The following PARD3B variants were observed in gnomAD, a reference collection of about 807,000 sequenced individuals.
PARD3B encodes the protein par-3 family cell polarity regulator beta.
In PARD3B, 103 loss-of-function variants were observed where a neutral mutation model predicts 130.2. The ratio of observed to expected loss-of-function variants is 0.79; its 90% CI spans 0.67 to 0.93. The LOEUF is 0.93. Among genes scored for constraint, PARD3B ranks in the 40% least tolerant of loss-of-function variants. PARD3B has a pLI of 0.00. For missense variants in PARD3B, 1,609 were observed against 1,499.2 expected (o/e 1.07, Z -1.21); for synonymous variants, 583 against 553.2 (o/e 1.05, Z -0.76).
chr2:205,556,342 T>C (rs953412875), intron 22 of PARD3B, among the ~76,000 whole-genome samples: 9 of 152,142 alleles, frequency 5.9e-5, no homozygotes, highest in Admixed American at 5.2e-4. Context: ...CTATGCCAAA[T>C]TTGGAGCCAT....
rs181925624 is a variant in PARD3B at position 204,676,734 on chromosome 2, A to G, written c.121-9447A>G. On this transcript the variant is annotated intron_variant, in intron 1 of 22. Transcript: ENST00000406610. The stretch of plus-strand genomic sequence containing the variant: ...ACCCAGGCTGGAGTGCAGTGGTGCA[A>G]TCTCGGCTCACTGCAACCTCCACCT... 7.5e-3 allele frequency among the ~76,000 whole-genome samples: 1,096 copies of G among 146,036 alleles called. 12 individuals carry two copies. Among genetic ancestry groups the G allele is most frequent in the African/African-American group, 0.025 (974 of 39,284 alleles).
At chr2:205,502,880 G>T (rs766919766) in intron 21 of PARD3B, among the ~76,000 whole-genome samples, 1 of 151,890 alleles carries the variant, frequency 6.6e-6, no homozygotes, top group Non-Finnish European at 1.5e-5. Context: ...AGACCAACTT[G>T]TATGTAGTTC....
At chr2:204,772,541 TCAA>T (rs2041431918) in intron 2 of PARD3B, among the ~76,000 whole-genome samples, 1 of 152,096 alleles carries the variant, frequency 6.6e-6, no homozygotes, top group Non-Finnish European at 1.5e-5. Flanking sequence ...CAGCAACAAT[TCAA>T]GTTTAATGTA....
intron 2 of PARD3B, 44 bp from the exon 3 acceptor site, chr2:204,965,108 T>G (rs1691113222): frequency 6.3e-7 from 1 of 1,590,528 alleles, no homozygotes; most frequent in African/African-American, 1.3e-5. Flanking sequence ...CCGTGTGGTA[T>G]GCATGTCCTA....
chr2:204,742,158 T>C (rs1035614322), intron 2 of PARD3B, among the ~76,000 whole-genome samples: 1 of 152,222 alleles, frequency 6.6e-6, no homozygotes, highest in Non-Finnish European at 1.5e-5. Flanking sequence ...GCATTGTACC[T>C]TCTTATCCTT....
At chr2:205,162,463 T>C (rs1049974916) in intron 11 of PARD3B, among the ~76,000 whole-genome samples, 1 of 152,248 alleles carries the variant, frequency 6.6e-6, no homozygotes, top group African/African-American at 2.4e-5. Flanking sequence ...TTGATGCCAA[T>C]GTGCCTAAGC....
rs1472754715 is a variant in PARD3B at position 205,268,370 on chromosome 2, A to G, written c.2185+22548A>G. 6.6e-6 allele frequency among the ~76,000 whole-genome samples: 1 copy of G among 152,222 alleles called. No individual in the cohort carries two copies. Among genetic ancestry groups the G allele is most frequent in the African/African-American group, 2.4e-5 (1 of 41,460 alleles). ...AAAATAAGCATCAACTTGGAAATCA[A>G]ATTGACTTTTTTCTTAACACTGAAC... On this transcript the variant is annotated intron_variant, in intron 16 of 22. Transcript: ENST00000406610. The surrounding 1 kb of genome is among the most constrained non-coding windows in gnomAD (Gnocchi z 4.1).
chr2:205,022,715 T>G (rs994971733), intron 3 of PARD3B, among the ~76,000 whole-genome samples: 16 of 152,140 alleles, frequency 1.1e-4, no homozygotes, highest in African/African-American at 3.9e-4. Flanking sequence ...ATGTAACCTG[T>G]TTTGGGGCTC....
At chr2:204,899,053 G>GT (rs71032413) in intron 2 of PARD3B, among the ~76,000 whole-genome samples, 104 of 147,834 alleles carry the variant, frequency 7.0e-4, no homozygotes, top group East Asian at 7.9e-4. Context: ...GGAATATTAG[G>GT]TTTTTTTTTT....
chr2:205,095,666 A>G (rs1702352606), intron 4 of PARD3B, among the ~76,000 whole-genome samples: 1 of 151,922 alleles, frequency 6.6e-6, no homozygotes, highest in African/African-American at 2.4e-5. Context: ...ACCCACCATC[A>G]CCTCTGCCTT....
chr2:204,852,967 A>G (rs903806883), intron 2 of PARD3B, among the ~76,000 whole-genome samples: 4 of 152,200 alleles, frequency 2.6e-5, no homozygotes, highest in African/African-American at 9.6e-5. Context: ...AATTCTTTGT[A>G]TTCAAAATGT....
intron 4 of PARD3B, among the ~76,000 whole-genome samples, chr2:205,063,632 C>T (rs1485937763): frequency 2.0e-5 from 3 of 152,214 alleles, no homozygotes; most frequent in Non-Finnish European, 2.9e-5. Flanking sequence ...ATTATTTCAT[C>T]GAATCCTCTT....
At chr2:205,528,573 C>A (rs2051440634) in intron 21 of PARD3B, among the ~76,000 whole-genome samples, 1 of 151,930 alleles carries the variant, frequency 6.6e-6, no homozygotes, top group East Asian at 1.9e-4. Context: ...CTCACTGCTA[C>A]CTCTACCTCC....
rs139843896 is a variant in PARD3B, at chr2:205,142,881, A to AAAATAAATAAATAAAT, written c.1435-15826_1435-15811dup. ...TGACAGGATGAGACTTCGGTCTCAA[A>AAAATAAATAAATAAAT]AAATAAATAAATAAATAAATAAATA... On this transcript the variant is annotated intron_variant, in intron 10 of 22. Coordinates refer to ENST00000406610, the MANE Select transcript of PARD3B (RefSeq NM_001302769.2). This position sits in a 1 kb window ranked among gnomAD's most constrained non-coding sequence, Gnocchi z 4.3. Among the ~76,000 whole-genome samples the AAAATAAATAAATAAAT allele has an allele frequency of 0.079, 11,637 of 146,606 alleles. 637 individuals carry two copies. Among genetic ancestry groups the AAAATAAATAAATAAAT allele is most frequent in the Middle Eastern group, 0.13 (37 of 290 alleles).
intron 7 of PARD3B, 58 bp downstream of exon 7, chr2:205,119,104 T>G: frequency 6.6e-7 from 1 of 1,521,528 alleles, no homozygotes; most frequent in Non-Finnish European, 8.8e-7. Flanking sequence ...GTTATAAGCA[T>G]TACTGAACTC....
intron 15 of PARD3B, among the ~76,000 whole-genome samples, chr2:205,242,783 A>C (rs1392669977): frequency 6.6e-6 from 1 of 152,178 alleles, no homozygotes; most frequent in East Asian, 1.9e-4. Context: ...GGAACTGTGC[A>C]AAGTGCTTTT....
intron 13 of PARD3B, 35 bp from the exon 14 acceptor site, chr2:205,185,729 C>T (rs1386585998): frequency 6.3e-7 from 1 of 1,579,832 alleles, no homozygotes; most frequent in South Asian, 1.1e-5. Context: ...GTTCTGCTTC[C>T]ACTTTATACA....
At chr2:205,165,816 G>GAA in intron 11 of PARD3B, among the ~76,000 whole-genome samples, 1 of 151,934 alleles carries the variant, frequency 6.6e-6, no homozygotes, top group Non-Finnish European at 1.5e-5. Flanking sequence ...GGACTTCATT[G>GAA]GTTTGTTACA....
At chr2:204,863,126 G>A (rs945909153) in intron 2 of PARD3B, among the ~76,000 whole-genome samples, 1 of 152,100 alleles carries the variant, frequency 6.6e-6, no homozygotes, top group African/African-American at 2.4e-5. Context: ...ATTTCGCTGG[G>A]GACCCTTGGC....
Sources: gnomAD v4.1 joint callset for allele counts (sites outside exome capture counted in the v4.1 genomes callset) on GRCh38, gnomAD v4.1.1 for gene constraint, Gnocchi (gnomAD v3.1) non-coding constraint, MANE v1.5 for transcripts, NCBI Gene and HGNC (gene_info 2026-07-23, HGNC 2026-07-21) for gene names.